NAALADL2: variants seen among roughly 807,000 people sequenced by gnomAD.
NAALADL2 encodes inactive N-acetylated-alpha-linked acidic dipeptidase-like protein 2.
NAALADL2 carries 76 observed loss-of-function variants against 87.2 expected under a neutral mutation model. The ratio of observed to expected loss-of-function variants is 0.87; its 90% CI spans 0.72 to 1.05. NAALADL2 has a LOEUF of 1.05. Among genes scored for constraint, NAALADL2 ranks in the 50% least tolerant of loss-of-function variants. The pLI, the probability that NAALADL2 is intolerant of heterozygous loss-of-function variation, is 0.00. For synonymous variants in NAALADL2, 354 were observed against 331.0 expected (o/e 1.07, Z -0.75); for missense variants, 1,089 against 945.8 (o/e 1.15, Z -1.99).
At chr3:175,543,602 A>G (rs1712768829) in intron 9 of NAALADL2, among the ~76,000 whole-genome samples, 1 of 152,142 alleles carries the variant, frequency 6.6e-6, no homozygotes, top group African/African-American at 2.4e-5. Context: ...GTGCCAAGCA[A>G]AAGGGGAAAA....
intron 2 of NAALADL2, among the ~76,000 whole-genome samples, chr3:174,654,777 C>A (rs1315071609): frequency 6.6e-6 from 1 of 152,038 alleles, no homozygotes; most frequent in South Asian, 2.1e-4. Flanking sequence ...GCTCTGTCAC[C>A]CAGGCTGGAG....
At chr3:175,720,136 A>G (rs777233443) in intron 11 of NAALADL2, among the ~76,000 whole-genome samples, 1 of 152,208 alleles carries the variant, frequency 6.6e-6, no homozygotes, top group Non-Finnish European at 1.5e-5. Flanking sequence ...AGAACTATTC[A>G]CAATAAAAAT....
chr3:175,351,117 T>C (rs1033657488), intron 5 of NAALADL2, among the ~76,000 whole-genome samples: 2 of 152,188 alleles, frequency 1.3e-5, no homozygotes, highest in Non-Finnish European at 2.9e-5. Context: ...GTATGCATCA[T>C]AGAATAACTT....
At chr3:175,318,725 T>A (rs1759469190) in intron 4 of NAALADL2, among the ~76,000 whole-genome samples, 1 of 152,192 alleles carries the variant, frequency 6.6e-6, no homozygotes. Flanking sequence ...TAACAACCAC[T>A]ACAATCAAGA....
intron 5 of NAALADL2, among the ~76,000 whole-genome samples, chr3:175,404,383 C>G (rs1199035481): frequency 2.0e-5 from 3 of 152,188 alleles, no homozygotes; most frequent in South Asian, 2.1e-4. Flanking sequence ...TGAAAGTGCC[C>G]TATAATCACC....
intron 1 of NAALADL2, among the ~76,000 whole-genome samples, chr3:174,868,688 TAGTA>T (rs1727449142): frequency 6.6e-6 from 1 of 152,146 alleles, no homozygotes; most frequent in African/African-American, 2.4e-5. Flanking sequence ...ACAGCAGGAA[TAGTA>T]TCCTTAACTG....
At chr3:175,072,777 A>T (rs1715896800) in intron 1 of NAALADL2, among the ~76,000 whole-genome samples, 1 of 151,484 alleles carries the variant, frequency 6.6e-6, no homozygotes, top group African/African-American at 2.4e-5. Context: ...AACATGGCAC[A>T]TGTATACATA....
intron 5 of NAALADL2, among the ~76,000 whole-genome samples, chr3:175,406,456 G>T (rs115715751): frequency 0.017 from 2,663 of 152,220 alleles, 84 homozygotes; most frequent in African/African-American, 0.062. Flanking sequence ...CATTAAAAAG[G>T]TGGGACTGCC....
At chr3:174,669,721 G>T (rs377683033) in intron 2 of NAALADL2, among the ~76,000 whole-genome samples, 27 of 151,618 alleles carry the variant, frequency 1.8e-4, no homozygotes, top group African/African-American at 6.5e-4. Flanking sequence ...CGTTATTTGG[G>T]GTCTCTTGAG....
intron 5 of NAALADL2, among the ~76,000 whole-genome samples, chr3:175,442,398 T>G (rs181148929): frequency 2.2e-4 from 33 of 152,160 alleles, no homozygotes; most frequent in African/African-American, 7.9e-4. Context: ...AAGCGTGAAA[T>G]AGAATTAAGG....
intron 2 of NAALADL2, among the ~76,000 whole-genome samples, chr3:174,727,748 G>A (rs1262153208): frequency 6.6e-6 from 1 of 152,032 alleles, no homozygotes; most frequent in Admixed American, 6.6e-5. Context: ...TCCATAGCCT[G>A]CATTTGGGTT....
intron 9 of NAALADL2, among the ~76,000 whole-genome samples, chr3:175,571,007 G>A (rs761579042): frequency 9.9e-5 from 15 of 152,068 alleles, no homozygotes; most frequent in Non-Finnish European, 1.9e-4. Flanking sequence ...TGCATGTAGA[G>A]TAAATGCTTA....
At chr3:175,157,343 T>C (rs373825907) in intron 2 of NAALADL2, among the ~76,000 whole-genome samples, 1 of 152,114 alleles carries the variant, frequency 6.6e-6, no homozygotes, top group African/African-American at 2.4e-5. Context: ...TAAGTATTTT[T>C]TCTATTTTAC....
At chr3:174,591,192 C>A (rs1391905585) in intron 2 of NAALADL2, among the ~76,000 whole-genome samples, 1 of 152,154 alleles carries the variant, frequency 6.6e-6, no homozygotes, top group African/African-American at 2.4e-5. Context: ...CATAAGCCTT[C>A]CAATGGTCTT....
chr3:175,698,433 A>G (rs1462778569), intron 11 of NAALADL2, among the ~76,000 whole-genome samples: 5 of 132,446 alleles, frequency 3.8e-5, no homozygotes, highest in South Asian at 4.7e-4. Context: ...ATGTATGTGT[A>G]TATATTTATG....
At chr3:175,681,827 T>G (rs1356676237) in intron 11 of NAALADL2, among the ~76,000 whole-genome samples, 1 of 152,182 alleles carries the variant, frequency 6.6e-6, no homozygotes, top group African/African-American at 2.4e-5. Context: ...AGACAGGGGC[T>G]GATGTAGAGC....
At chr3:175,597,348 C>T in intron 10 of NAALADL2, among the ~76,000 whole-genome samples, 1 of 151,866 alleles carries the variant, frequency 6.6e-6, no homozygotes, top group East Asian at 1.9e-4. Context: ...ACTGCAAGAC[C>T]ATGTCTAATT....
intron 1 of NAALADL2, among the ~76,000 whole-genome samples, chr3:175,016,531 T>C (rs1750846285): frequency 6.6e-6 from 1 of 151,454 alleles, no homozygotes; most frequent in Admixed American, 6.6e-5. Context: ...TGGTTATCTC[T>C]GAGGTTTCTT....
intron 2 of NAALADL2, among the ~76,000 whole-genome samples, chr3:175,132,603 CA>C (rs1560070112): frequency 1.0e-5 from 1 of 96,142 alleles, no homozygotes; most frequent in Non-Finnish European, 2.1e-5. Flanking sequence ...GCTGGCCGGG[CA>C]GGGGGCTGAC....
Sources: allele counts gnomAD v4.1 joint callset (sites outside exome capture counted in the v4.1 genomes callset), GRCh38; gene constraint gnomAD v4.1.1; transcripts MANE v1.5; gene names NCBI Gene and HGNC (gene_info 2026-07-23, HGNC 2026-07-21).